Variants in CCSER1 observed in about 807,000 individuals in gnomAD.
CCSER1 encodes the protein serine-rich coiled-coil domain-containing protein 1.
A neutral mutation model predicts 82.0 loss-of-function variants in CCSER1; 41 were observed. The ratio of observed to expected loss-of-function variants is 0.50; its 90% CI spans 0.39 to 0.65. The LOEUF is 0.65. Among genes scored for constraint, CCSER1 ranks in the 30% least tolerant of loss-of-function variants. CCSER1 has a pLI of 0.00. For missense variants in CCSER1, 1,119 were observed against 1,064.2 expected (o/e 1.05, Z -0.72); for synonymous variants, 414 against 383.9 (o/e 1.08, Z -0.92).
intron 8 of CCSER1, among the ~76,000 whole-genome samples, chr4:90,891,397 A>T (rs996455619): frequency 6.6e-6 from 1 of 151,562 alleles, no homozygotes; most frequent in African/African-American, 2.4e-5. Flanking sequence ...ATGTTTTAAA[A>T]ATACTATTTT....
intron 10 of CCSER1, among the ~76,000 whole-genome samples, chr4:91,220,609 T>C (rs1737651845): frequency 6.6e-6 from 1 of 152,156 alleles, no homozygotes; most frequent in South Asian, 2.1e-4. Context: ...TAGTTTACTG[T>C]TCAGTGAGCA....
intron 10 of CCSER1, 66 bp downstream of exon 10, chr4:91,086,060 G>T: frequency 1.1e-6 from 1 of 925,538 alleles, no homozygotes; most frequent in South Asian, 1.5e-5. Context: ...GCAGTGATGT[G>T]GTGATGGTGA....
At chr4:90,484,767 G>A (rs1766714205) in intron 5 of CCSER1, among the ~76,000 whole-genome samples, 1 of 152,192 alleles carries the variant, frequency 6.6e-6, no homozygotes, top group Admixed American at 6.5e-5. Context: ...CCGGCTGTGT[G>A]ATATGTCAAT....
At chr4:91,524,708 C>A (rs1446124719) in intron 10 of CCSER1, among the ~76,000 whole-genome samples, 1 of 152,086 alleles carries the variant, frequency 6.6e-6, no homozygotes, top group Admixed American at 6.6e-5. Context: ...TTATTTACAA[C>A]AATTAGCCAA....
chr4:90,957,443 C>T (rs1360859879), intron 9 of CCSER1, among the ~76,000 whole-genome samples: 1 of 141,340 alleles, frequency 7.1e-6, no homozygotes, highest in Non-Finnish European at 1.5e-5. Flanking sequence ...AAACGAACAG[C>T]AATTTCATGG....
chr4:90,724,843 T>C (rs1743343927), intron 7 of CCSER1, among the ~76,000 whole-genome samples: 1 of 151,854 alleles, frequency 6.6e-6, no homozygotes, highest in Non-Finnish European at 1.5e-5. Flanking sequence ...ATATAAGGAA[T>C]GTATCTTATT....
rs573764553 is a variant in CCSER1 at position 91,427,065 on chromosome 4, C to G, written c.2218-171507C>G. On this transcript the variant is annotated intron_variant, in intron 10 of 10. Coordinates refer to ENST00000509176, the MANE Select transcript of CCSER1 (RefSeq NM_001145065.2). ...GGTATTCAACTCTAGCAGCTAGTTC[C>G]AGAATCCAGGCTCTTAATCACCATG... Among the ~76,000 whole-genome samples the G allele has an allele frequency of 2.0e-5, 3 of 152,212 alleles. No homozygotes were observed. The East Asian group carries it at 5.8e-4, about 29-fold the overall frequency.
intron 1 of CCSER1, among the ~76,000 whole-genome samples, chr4:90,158,978 C>G (rs1011331625): frequency 1.3e-5 from 2 of 152,186 alleles, no homozygotes; most frequent in Non-Finnish European, 2.9e-5. Context: ...TTCACTCACA[C>G]TGGGAGCTGT....
chr4:90,470,648 C>T (rs1268818981), intron 5 of CCSER1, among the ~76,000 whole-genome samples: 1 of 150,284 alleles, frequency 6.7e-6, no homozygotes, highest in East Asian at 2.0e-4. Context: ...TTTTCATTTT[C>T]TGGGAGGTTC....
chr4:90,789,973 A>G (rs1005735382), intron 7 of CCSER1, among the ~76,000 whole-genome samples: 2 of 152,134 alleles, frequency 1.3e-5, no homozygotes, highest in Non-Finnish European at 2.9e-5. Context: ...TCTCAACAGG[A>G]GTGAGCAATA....
Position 90,904,459 on chromosome 4 carries a change from A to C in CCSER1, c.2095-18911A>C, listed in dbSNP as rs1393782501. On this transcript the variant is annotated intron_variant, in intron 8 of 10. Transcript: ENST00000509176. ...TTGACTTAAGTACCACAAAAATATT[A>C]ACTTATTTTCTTTTTATTCCTTATA... Among the ~76,000 whole-genome samples, 3 of 152,160 alleles carry C rather than the reference A, an allele frequency of 2.0e-5. No homozygotes were observed. The East Asian group carries it at 5.8e-4, about 29-fold the overall frequency.
intron 7 of CCSER1, among the ~76,000 whole-genome samples, chr4:90,759,190 C>T (rs1363964712): frequency 7.9e-5 from 12 of 152,100 alleles, no homozygotes; most frequent in African/African-American, 2.4e-5. Flanking sequence ...CCTCTGTAAC[C>T]CTCCAAATAA....
intron 8 of CCSER1, among the ~76,000 whole-genome samples, chr4:90,884,367 G>A (rs1055612245): frequency 2.1e-4 from 32 of 152,044 alleles, no homozygotes; most frequent in Non-Finnish European, 4.0e-4. Flanking sequence ...CCATGGAGAA[G>A]GGATACATGT....
rs540872768 is a variant in CCSER1 at position 91,414,481 on chromosome 4, G to T, written c.2218-184091G>T. Among the ~76,000 whole-genome samples, 6 of 152,142 alleles carry T rather than the reference G, an allele frequency of 3.9e-5. No individual in the cohort carries two copies. The South Asian group carries it at 1.2e-3, about 32-fold the overall frequency. ...AAAAAATTCACAAATTTAAAGGAAG[G>T]CAGCAAGAGAGGAAGAAAGGAACAG... is the stretch of plus-strand genomic sequence containing the variant. On this transcript the variant is annotated intron_variant, in intron 10 of 10. Transcript: ENST00000509176.
intron 5 of CCSER1, among the ~76,000 whole-genome samples, chr4:90,498,363 T>C (rs565610106): frequency 6.6e-6 from 1 of 152,304 alleles, no homozygotes; most frequent in Admixed American, 6.5e-5. Flanking sequence ...GAAACTGTGA[T>C]TGACTGCGCA....
chr4:91,340,345 C>T (rs185332197), intron 10 of CCSER1, among the ~76,000 whole-genome samples: 17 of 152,202 alleles, frequency 1.1e-4, no homozygotes, highest in South Asian at 2.1e-4. Context: ...CAATCACTGT[C>T]CTGAATTAAA....
intron 3 of CCSER1, among the ~76,000 whole-genome samples, chr4:90,315,823 A>G (rs1349871094): frequency 1.1e-4 from 16 of 152,180 alleles, no homozygotes; most frequent in African/African-American, 2.9e-4. Flanking sequence ...CACTTAATTA[A>G]TTAATTTAAA....
chr4:90,408,013 A>G (rs1351933432), intron 4 of CCSER1, among the ~76,000 whole-genome samples: 1 of 152,260 alleles, frequency 6.6e-6, no homozygotes, highest in Non-Finnish European at 1.5e-5. Context: ...AGAGGGTCCT[A>G]CGTCCACGGA....
At chr4:91,314,215 A>C (rs2149256914) in intron 10 of CCSER1, among the ~76,000 whole-genome samples, 1 of 152,066 alleles carries the variant, frequency 6.6e-6, no homozygotes, top group Non-Finnish European at 1.5e-5. Context: ...CCCTTACTGT[A>C]TCTTCTCGCC....
Sources: allele counts gnomAD v4.1 joint callset (sites outside exome capture counted in the v4.1 genomes callset), GRCh38; gene constraint gnomAD v4.1.1; transcripts MANE v1.5; gene names NCBI Gene and HGNC (gene_info 2026-07-23, HGNC 2026-07-21).